Variants in HAPLN3 observed in about 807,000 individuals in gnomAD.
HAPLN3 encodes hyaluronan and proteoglycan link protein 3, also known as extracellular link domain containing, 1.
Under a neutral mutation model 28.1 loss-of-function variants are expected in HAPLN3, and 28 were observed. The ratio of observed to expected loss-of-function variants is 1.00; its 90% CI spans 0.74 to 1.37. The LOEUF (loss-of-function observed/expected upper bound fraction) is 1.37, where lower values mean the gene tolerates loss of function less well. HAPLN3 is among the 40% of genes most tolerant of loss of function. HAPLN3 has a pLI of 0.00. For synonymous variants in HAPLN3, 211 were observed against 213.1 expected (o/e 0.99, Z 0.09); for missense variants, 513 against 504.6 (o/e 1.02, Z -0.16).
At position 88,881,010 on chromosome 15, in the gene HAPLN3, TCAGCTCTGTCTCTAATAAGCTGTGGGAC is replaced by T; in HGVS notation, c.493+319_493+346del. The T allele has an allele frequency of 6.2e-6, 2 of 324,406 alleles. No individual in the cohort carries two copies. The highest frequency in any genetic ancestry group is 1.1e-5 in the Non-Finnish European group (2 of 173,956). The allele number at this position is 324,406 out of a possible 1,614,324, so 20.1% of individuals were successfully genotyped here. On this transcript the variant is annotated intron_variant, in intron 3 of 4. Coordinates refer to ENST00000359595, the MANE Select transcript of HAPLN3 (RefSeq NM_178232.4). This position sits in a 1 kb window ranked among gnomAD's most constrained non-coding sequence, Gnocchi z 6.0. The stretch of plus-strand genomic sequence containing the variant: ...GTTACCCGCTAACCTTGCTTAAATC[TCAGCTCTGTCTCTAATAAGCTGTGGGAC>T]CAGCTCTGGTTTTCCTCTCTCTGAA...
Position 88,879,892 on chromosome 15 carries a change from A to C in HAPLN3, c.494-623T>G. On this transcript the variant is annotated intron_variant, in intron 3 of 4. Coordinates refer to ENST00000359595, the MANE Select transcript of HAPLN3 (RefSeq NM_178232.4). This position sits in a 1 kb window ranked among gnomAD's most constrained non-coding sequence, Gnocchi z 5.0. Reference sequence around the variant, plus strand: ...CCCTGAAAAGATATGTTCGTGTTTGAAATTTTACTCTAATAAAAAGTTTTT... The same window carrying C: ...CCCTGAAAAGATATGTTCGTGTTTGCAATTTTACTCTAATAAAAAGTTTTT... The C allele has an allele frequency of 9.9e-7, 1 of 1,014,812 alleles. No homozygotes were observed. The highest frequency in any genetic ancestry group is 1.2e-6 in the Non-Finnish European group (1 of 847,478). The allele number at this position is 1,014,812 out of a possible 1,614,324, so 62.9% of individuals were successfully genotyped here.
At chr15:88,883,130 T>A (rs1055761199) in intron 2 of HAPLN3, among the ~76,000 whole-genome samples, 1 of 152,232 alleles carries the variant, frequency 6.6e-6, no homozygotes, top group Non-Finnish European at 1.5e-5. Flanking sequence ...GAGCTATACC[T>A]AATGTAGCAG....
At chr15:88,884,435 A>G (rs887427646) in intron 2 of HAPLN3, among the ~76,000 whole-genome samples, 1 of 151,998 alleles carries the variant, frequency 6.6e-6, no homozygotes, top group African/African-American at 2.4e-5. Flanking sequence ...ATGGTGTCGG[A>G]TGCCTGTAGT....
chr15:88,888,808 G>A lies in HAPLN3; in HGVS notation c.-47-1463C>T, dbSNP rs1470015292. On this transcript the variant is annotated intron_variant, in intron 1 of 4. Transcript: ENST00000359595. The surrounding 1 kb of genome is among the most constrained non-coding windows in gnomAD (Gnocchi z 4.1). ...TGAAGATGCAGGAGTTTGCCAGGTG[G>A]AGAAGGACTGACAGGTTTATCCAGT... Among the ~76,000 whole-genome samples the A allele has an allele frequency of 6.6e-6, 1 of 152,190 alleles. No homozygotes were observed. Among genetic ancestry groups the A allele is most frequent in the Admixed American group, 6.5e-5 (1 of 15,280 alleles).
chr15:88,882,544 C>A lies in HAPLN3; in HGVS notation c.125-819G>T, dbSNP rs574775576. Among the ~76,000 whole-genome samples the A allele has an allele frequency of 9.2e-5, 14 of 152,324 alleles. No homozygotes were observed. In the East Asian group the frequency reaches 2.7e-3, roughly 29 times the overall value. Reference sequence around the variant, plus strand: ...CTAAGGGCAGAACTTCTAAAGGAGACTACGCTCACGGCTCAGAGTTACAAA... The same window carrying A: ...CTAAGGGCAGAACTTCTAAAGGAGAATACGCTCACGGCTCAGAGTTACAAA... On this transcript the variant is annotated intron_variant, in intron 2 of 4. Transcript: ENST00000359595.
Position 88,888,746 on chromosome 15 carries a change from C to G in HAPLN3, c.-47-1401G>C, listed in dbSNP as rs1010864929. 1.3e-5 allele frequency among the ~76,000 whole-genome samples: 2 copies of G among 152,090 alleles called. No individual in the cohort carries two copies. The highest frequency in any genetic ancestry group is 2.9e-5 in the Non-Finnish European group (2 of 68,028). On this transcript the variant is annotated intron_variant, in intron 1 of 4. Coordinates refer to ENST00000359595, the MANE Select transcript of HAPLN3 (RefSeq NM_178232.4). The surrounding 1 kb of genome is among the most constrained non-coding windows in gnomAD (Gnocchi z 4.1). Reference sequence around the variant, plus strand: ...CTTGATTGCTGTGTGTTGAGTACCACGATGGAGGTACAGAAACGGGAATGT... The same window carrying G: ...CTTGATTGCTGTGTGTTGAGTACCAGGATGGAGGTACAGAAACGGGAATGT...
chr15:88,891,350 G>A (rs1351797087), intron 1 of HAPLN3, among the ~76,000 whole-genome samples: 2 of 152,086 alleles, frequency 1.3e-5, no homozygotes, highest in Admixed American at 6.6e-5. Flanking sequence ...AGGCTGGAGT[G>A]CAGTGGTAAG....
At position 88,881,397 on chromosome 15, in the gene HAPLN3, C is replaced by T; in HGVS notation, c.453G>A (p.Gly151=). The change falls in exon 3 of 5, where the codon GGG becomes GGA. Residue 151 remains glycine (G), a synonymous_variant. Transcript: ENST00000359595. This position sits in a 1 kb window ranked among gnomAD's most constrained non-coding sequence, Gnocchi z 6.0. ...YGRYRCEVID[G]LEDESGLVEL... ...CCACCAGACCGCTTTCATCCTCCAGCCCGTCAATGACCTCACAGCGGTAAC... is the reference window on the plus strand; with the variant it reads ...CCACCAGACCGCTTTCATCCTCCAGTCCGTCAATGACCTCACAGCGGTAAC... 1 of 1,613,746 alleles carries T rather than the reference C, an allele frequency of 6.2e-7. No individual in the cohort carries two copies. Among genetic ancestry groups the T allele is most frequent in the Non-Finnish European group, 8.5e-7 (1 of 1,179,918 alleles).
intron 1 of HAPLN3, among the ~76,000 whole-genome samples, chr15:88,893,385 T>C (rs187164008): frequency 3.7e-4 from 55 of 150,486 alleles, no homozygotes; most frequent in African/African-American, 1.2e-3. Context: ...ACCACTGCAC[T>C]CCAGACTGGC....
chr15:88,880,629 A>G lies in HAPLN3; in HGVS notation c.493+728T>C. On this transcript the variant is annotated intron_variant, in intron 3 of 4. Transcript: ENST00000359595. This position sits in a 1 kb window ranked among gnomAD's most constrained non-coding sequence, Gnocchi z 6.0. ...CCCCATCCTAGAGACAGAGAAGGTA[A>G]ATACAAATTAAAGATCAAACAGGGA... The G allele has an allele frequency of 1.6e-6, 2 of 1,286,814 alleles. No individual in the cohort carries two copies. The highest frequency in any genetic ancestry group is 2.0e-6 in the Non-Finnish European group (2 of 986,940). 79.7% of individuals were successfully genotyped at this position (1,286,814 alleles called of 1,614,324 possible).
chr15:88,882,098 G>A (rs917918670), intron 2 of HAPLN3, among the ~76,000 whole-genome samples: 2 of 152,086 alleles, frequency 1.3e-5, no homozygotes, highest in African/African-American at 4.8e-5. Flanking sequence ...TTGCCTGCTA[G>A]AGGATGAGAG....
chr15:88,895,232 G>A lies in HAPLN3; in HGVS notation c.-48+227C>T, dbSNP rs1380961845. On this transcript the variant is annotated intron_variant, in intron 1 of 4. Coordinates refer to ENST00000359595, the MANE Select transcript of HAPLN3 (RefSeq NM_178232.4). The surrounding 1 kb of genome is among the most constrained non-coding windows in gnomAD (Gnocchi z 5.5). ...CCCTCACGGTGGGCACGAGGGTCCG[G>A]CGCCCGCATCCCCGCGCCGCTCCCT... Among the ~76,000 whole-genome samples, 1 of 152,102 alleles carries A rather than the reference G, an allele frequency of 6.6e-6. No individual in the cohort carries two copies. The highest frequency in any genetic ancestry group is 6.5e-5 in the Admixed American group (1 of 15,284).
intron 1 of HAPLN3, 83 bp from the exon 2 acceptor site, chr15:88,887,428 G>A (rs371670772): frequency 1.5e-5 from 19 of 1,283,562 alleles, no homozygotes; most frequent in East Asian, 5.0e-5. Flanking sequence ...CCACTCACTC[G>A]CTTGCTCAAC....
At chr15:88,890,685 G>T (rs760109170) in intron 1 of HAPLN3, among the ~76,000 whole-genome samples, 1 of 152,262 alleles carries the variant, frequency 6.6e-6, no homozygotes, top group South Asian at 2.1e-4. Context: ...AGGTCTGGCA[G>T]TTAAAACAAT....
chr15:88,890,041 AGGAAGGAAGGAAAG>A (rs1399208157), intron 1 of HAPLN3, among the ~76,000 whole-genome samples: 1 of 151,056 alleles, frequency 6.6e-6, no homozygotes, highest in African/African-American at 2.4e-5. Flanking sequence ...AAGGAAAGGA[AGGAAGGAAGGAAAG>A]GGAAGGAGGG....
intron 2 of HAPLN3, among the ~76,000 whole-genome samples, chr15:88,885,159 T>C (rs1048754431): frequency 6.6e-6 from 1 of 152,262 alleles, no homozygotes; most frequent in Non-Finnish European, 1.5e-5. Context: ...CACCCAGCAC[T>C]GCACTTGCAG....
At chr15:88,878,724 G>T (rs1219878177) in intron 4 of HAPLN3, among the ~76,000 whole-genome samples, 3 of 152,216 alleles carry the variant, frequency 2.0e-5, no homozygotes, top group Non-Finnish European at 4.4e-5. Context: ...CCAGCATATG[G>T]TAGGCACTCA....
At chr15:88,885,170 G>C (rs923225079) in intron 2 of HAPLN3, among the ~76,000 whole-genome samples, 1 of 152,228 alleles carries the variant, frequency 6.6e-6, no homozygotes, top group Admixed American at 6.5e-5. Flanking sequence ...GCACTTGCAG[G>C]CTCATGTGTC....
intron 2 of HAPLN3, among the ~76,000 whole-genome samples, chr15:88,886,562 T>A (rs1897860881): frequency 6.6e-6 from 1 of 151,558 alleles, no homozygotes; most frequent in African/African-American, 2.4e-5. Flanking sequence ...TGGTGGCTTA[T>A]GCCTGTAATC....
Sources: gnomAD v4.1 joint callset for allele counts (sites outside exome capture counted in the v4.1 genomes callset) on GRCh38, gnomAD v4.1.1 for gene constraint, Gnocchi (gnomAD v3.1) non-coding constraint, MANE v1.5 for transcripts, NCBI Gene and HGNC (gene_info 2026-07-23, HGNC 2026-07-21) for gene names.